The following PTPRM variants were observed in gnomAD, a reference collection of about 807,000 sequenced individuals.
PTPRM encodes the protein receptor-type tyrosine-protein phosphatase mu.
PTPRM carries 47 observed loss-of-function variants against 186.7 expected under a neutral mutation model. The observed-to-expected ratio is 0.25, with a 90% CI of 0.20 to 0.32. PTPRM has a LOEUF of 0.32. Among genes scored for constraint, PTPRM ranks in the 10% least tolerant of loss-of-function variants. The probability of loss-of-function intolerance (pLI) is 1.00; values close to 1 mark genes in which losing one functional copy is unlikely to be tolerated. For missense variants in PTPRM, 1,494 were observed against 1,865.0 expected, an observed-to-expected ratio of 0.80 and a Z score of 3.66; for synonymous variants, 668 against 674.9, an observed-to-expected ratio of 0.99 and a Z score of 0.16.
At chr18:8,148,073 G>A (rs1003069950) in intron 14 of PTPRM, among the ~76,000 whole-genome samples, 12 of 152,148 alleles carry the variant, frequency 7.9e-5, no homozygotes, top group Admixed American at 2.6e-4. Flanking sequence ...TTTTCGCATC[G>A]AAGTTCATCA....
Position 8,160,643 on chromosome 18 carries a change from GTTT to G in PTPRM, c.2300+16867_2300+16869del, listed in dbSNP as rs1236993652. Among the ~76,000 whole-genome samples the G allele has an allele frequency of 3.2e-3, 494 of 152,242 alleles. 3 individuals are homozygous for G. Among genetic ancestry groups the G allele is most frequent in the African/African-American group, 0.011 (465 of 41,540 alleles). On this transcript the variant is annotated intron_variant, in intron 14 of 32. Transcript: ENST00000580170. ...TGGGCATCTTAAGTTAAAATATCTAGTTTTTCAAGTCTTCTATTCAGTGGTTTT... is the reference window on the plus strand; with the variant it reads ...TGGGCATCTTAAGTTAAAATATCTAGTTCAAGTCTTCTATTCAGTGGTTTT...
chr18:8,165,609 G>GCAGT (rs2093311006), intron 14 of PTPRM, among the ~76,000 whole-genome samples: 1 of 152,178 alleles, frequency 6.6e-6, no homozygotes, highest in Non-Finnish European at 1.5e-5. Context: ...CCAGATTCTT[G>GCAGT]CAGTCTCAAG....
chr18:8,103,567 T>TG (rs1268904771), intron 11 of PTPRM, among the ~76,000 whole-genome samples: 1 of 152,244 alleles, frequency 6.6e-6, no homozygotes, highest in Non-Finnish European at 1.5e-5. Flanking sequence ...GTTAGGGTCT[T>TG]GCTCTGCACT....
chr18:8,010,901 G>A (rs2084490163), intron 7 of PTPRM, among the ~76,000 whole-genome samples: 1 of 152,138 alleles, frequency 6.6e-6, no homozygotes, highest in African/African-American at 2.4e-5. Flanking sequence ...GAGCTTCAGG[G>A]TAGATTCATT....
chr18:7,655,828 C>T (rs1002232688), intron 1 of PTPRM, among the ~76,000 whole-genome samples: 2 of 152,034 alleles, frequency 1.3e-5, no homozygotes, highest in Admixed American at 1.3e-4. Flanking sequence ...CTCACATTTT[C>T]GAAAAGGCAA....
intron 7 of PTPRM, among the ~76,000 whole-genome samples, chr18:7,980,878 A>G (rs1892145238): frequency 6.6e-6 from 1 of 152,018 alleles, no homozygotes; most frequent in African/African-American, 2.4e-5. Flanking sequence ...CCACTGGAGC[A>G]TGAGCTGGCC....
At chr18:7,924,477 TGTG>T (rs2051054635) in intron 4 of PTPRM, among the ~76,000 whole-genome samples, 1 of 152,182 alleles carries the variant, frequency 6.6e-6, no homozygotes, top group Non-Finnish European at 1.5e-5. Flanking sequence ...GTTGGGGACT[TGTG>T]GTGTAGGTAA....
chr18:8,270,936 G>T (rs1042190887), intron 19 of PTPRM, among the ~76,000 whole-genome samples: 11 of 152,030 alleles, frequency 7.2e-5, no homozygotes, highest in Non-Finnish European at 1.5e-4. Context: ...GGTACAGCAT[G>T]GTGACTGTAG....
At chr18:8,273,946 A>AT (rs201563016) in intron 19 of PTPRM, among the ~76,000 whole-genome samples, 312 of 151,222 alleles carry the variant, frequency 2.1e-3, no homozygotes, top group African/African-American at 7.2e-3. Flanking sequence ...GTCCAGTAAC[A>AT]TTTTTTTTTC....
At chr18:8,399,587 C>T (rs1325889966) in intron 32 of PTPRM, 3 of 152,208 alleles carry the variant, frequency 2.0e-5, no homozygotes, top group Non-Finnish European at 1.5e-5. Context: ...TGGAACATGT[C>T]CCAAGAGTTA....
chr18:7,596,491 A>G (rs2037264504), intron 1 of PTPRM, among the ~76,000 whole-genome samples: 1 of 152,208 alleles, frequency 6.6e-6, no homozygotes, highest in Non-Finnish European at 1.5e-5. Flanking sequence ...GTATTTGGAG[A>G]GAGACCACAT....
At position 8,251,408 on chromosome 18, in the gene PTPRM, T is replaced by C. The variant is rs529541887; in HGVS notation, c.2555-1080T>C. Among the ~76,000 whole-genome samples, 4 of 152,314 alleles carry C rather than the reference T, an allele frequency of 2.6e-5. No homozygotes were observed. The East Asian group carries it at 7.7e-4, about 29-fold the overall frequency. On this transcript the variant is annotated intron_variant, in intron 17 of 32. Coordinates refer to ENST00000580170, the MANE Select transcript of PTPRM (RefSeq NM_001105244.2). ...CTGGAGTGGCTCAAAGCTCAAGGGA[T>C]TCGGTACTTCAGCAGGGTTCCTGTA...
At chr18:7,850,035 A>G (rs971503187) in intron 2 of PTPRM, among the ~76,000 whole-genome samples, 3 of 152,364 alleles carry the variant, frequency 2.0e-5, no homozygotes, top group Middle Eastern at 3.4e-3. Flanking sequence ...CTGTTTTACA[A>G]TCATGAAATG....
chr18:7,958,207 C>CAAAAAA (rs534178363), intron 7 of PTPRM, among the ~76,000 whole-genome samples: 4 of 115,296 alleles, frequency 3.5e-5, no homozygotes, highest in African/African-American at 1.3e-4. Flanking sequence ...CCATCCCCTG[C>CAAAAAA]AAAAAAAAAA....
intron 20 of PTPRM, among the ~76,000 whole-genome samples, chr18:8,297,966 A>T (rs2095114982): frequency 6.6e-6 from 1 of 152,218 alleles, no homozygotes; most frequent in African/African-American, 2.4e-5. Flanking sequence ...AGTGGATCCC[A>T]TCAACACTTG....
chr18:8,133,937 A>G lies in PTPRM; in HGVS notation c.2168-9710A>G, dbSNP rs78009718. Among the ~76,000 whole-genome samples the G allele has an allele frequency of 9.3e-3, 1,409 of 152,270 alleles. 20 individuals carry two copies. Among genetic ancestry groups the G allele is most frequent in the African/African-American group, 0.032 (1,318 of 41,544 alleles). ...GTCAGGCATAAAAATCCAGAAGAGA[A>G]ATAGATGGCAGTGAGAATAAAGAAA... is the stretch of plus-strand genomic sequence containing the variant. On this transcript the variant is annotated intron_variant, in intron 13 of 32. Coordinates refer to ENST00000580170, the MANE Select transcript of PTPRM (RefSeq NM_001105244.2).
At chr18:8,403,227 G>A (rs1174857499) in intron 32 of PTPRM, 1 of 152,152 alleles carries the variant, frequency 6.6e-6, no homozygotes, top group Non-Finnish European at 1.5e-5. Context: ...TTCCACCTGA[G>A]TCCTTCACAG....
intron 30 of PTPRM, among the ~76,000 whole-genome samples, chr18:8,386,844 CACTGGCCTGTCATTTG>C (rs376025170): frequency 1.4e-4 from 22 of 152,302 alleles, no homozygotes; most frequent in African/African-American, 4.6e-4. Context: ...CATTCTGCCT[CACTGGCCTGTCATTTG>C]TCTGGCCTGT....
chr18:7,606,286 G>C (rs1388170638), intron 1 of PTPRM, among the ~76,000 whole-genome samples: 4 of 152,136 alleles, frequency 2.6e-5, no homozygotes, highest in Non-Finnish European at 5.9e-5. Flanking sequence ...GGTCCAGAAA[G>C]AAGAGGCATC....
Sources: gnomAD v4.1 joint callset for allele counts (sites outside exome capture counted in the v4.1 genomes callset) on GRCh38, gnomAD v4.1.1 for gene constraint, MANE v1.5 for transcripts, NCBI Gene and HGNC (gene_info 2026-07-23, HGNC 2026-07-21) for gene names.